ARHGAP42: variants seen among roughly 807,000 people sequenced by gnomAD.
The protein encoded by ARHGAP42 is rho GTPase-activating protein 42.
ARHGAP42 carries 63 observed loss-of-function variants against 125.0 expected under a neutral mutation model. That is an observed-to-expected ratio of 0.50 (90% confidence interval 0.41 to 0.62). The LOEUF (loss-of-function observed/expected upper bound fraction) is 0.62. ARHGAP42 is among the 20% of genes least tolerant of loss of function. ARHGAP42 has a pLI of 0.00. For synonymous variants in ARHGAP42, 339 were observed against 351.0 expected (o/e 0.97, Z 0.38); for missense variants, 766 against 1,024.2 (o/e 0.75, Z 3.44).
intron 1 of ARHGAP42, among the ~76,000 whole-genome samples, chr11:100,688,912 C>T (rs950360143): frequency 6.6e-6 from 1 of 151,962 alleles, no homozygotes; most frequent in Non-Finnish European, 1.5e-5. Flanking sequence ...ATCTAGTTAC[C>T]CCCAGGACAT....
intron 1 of ARHGAP42, among the ~76,000 whole-genome samples, chr11:100,762,566 G>T (rs1259878767): frequency 6.6e-6 from 1 of 152,164 alleles, no homozygotes; most frequent in African/African-American, 2.4e-5. Flanking sequence ...CCCTCTTAAT[G>T]AAGACCGATT....
intron 3 of ARHGAP42, among the ~76,000 whole-genome samples, chr11:100,841,002 T>A (rs1420677689): frequency 6.6e-6 from 1 of 152,160 alleles, no homozygotes; most frequent in Non-Finnish European, 1.5e-5. Context: ...TAGTTCTAGA[T>A]TATTTTCAGT....
chr11:100,846,025 C>G (rs762487069), intron 3 of ARHGAP42, among the ~76,000 whole-genome samples: 1 of 152,124 alleles, frequency 6.6e-6, no homozygotes, highest in Non-Finnish European at 1.5e-5. Context: ...CCTGCTGTAT[C>G]CCCAGTGCTT....
chr11:100,867,694 A>G (rs1865603740), intron 4 of ARHGAP42, among the ~76,000 whole-genome samples: 3 of 152,106 alleles, frequency 2.0e-5, no homozygotes, highest in Admixed American at 6.5e-5. Flanking sequence ...AGCACTTTTG[A>G]TTTCCCTCAA....
chr11:100,726,080 T>TAAAA (rs34713091), intron 1 of ARHGAP42, among the ~76,000 whole-genome samples: 9 of 125,446 alleles, frequency 7.2e-5, no homozygotes, highest in East Asian at 7.1e-4. Flanking sequence ...CTTGTCTCTC[T>TAAAA]AAAAAAAAAA....
intron 1 of ARHGAP42, among the ~76,000 whole-genome samples, chr11:100,745,666 G>T (rs1225880015): frequency 6.6e-6 from 1 of 152,108 alleles, no homozygotes; most frequent in African/African-American, 2.4e-5. Context: ...TGGGATGAAG[G>T]TACAACATTG....
chr11:100,758,947 G>A (rs1230401361), intron 1 of ARHGAP42, among the ~76,000 whole-genome samples: 1 of 151,986 alleles, frequency 6.6e-6, no homozygotes, highest in Non-Finnish European at 1.5e-5. Context: ...AGAAATAGAA[G>A]CCCATGACAG....
chr11:100,972,769 G>A (rs568701311), intron 17 of ARHGAP42, among the ~76,000 whole-genome samples: 1 of 152,250 alleles, frequency 6.6e-6, no homozygotes, highest in Non-Finnish European at 1.5e-5. Context: ...ACAATAATAT[G>A]TAGGAAAATT....
chr11:100,749,816 C>A (rs528857881), intron 1 of ARHGAP42, among the ~76,000 whole-genome samples: 8 of 152,236 alleles, frequency 5.3e-5, no homozygotes, highest in African/African-American at 1.9e-4. Context: ...GATCATTCAC[C>A]CCCACACACA....
At chr11:100,820,708 A>G (rs570190662) in intron 3 of ARHGAP42, among the ~76,000 whole-genome samples, 1 of 152,252 alleles carries the variant, frequency 6.6e-6, no homozygotes, top group African/African-American at 2.4e-5. Context: ...CTATATAAAC[A>G]GATACTTGGG....
At chr11:100,961,588 C>T in intron 14 of ARHGAP42, 96 bp from the exon 15 acceptor site, 1 of 1,000,646 alleles carries the variant, frequency 1.0e-6, no homozygotes, top group Non-Finnish European at 1.5e-6. Flanking sequence ...GAATACCTCT[C>T]TCTTTTGACC....
At chr11:100,711,971 A>G (rs982734738) in intron 1 of ARHGAP42, among the ~76,000 whole-genome samples, 1 of 152,240 alleles carries the variant, frequency 6.6e-6, no homozygotes, top group African/African-American at 2.4e-5. Flanking sequence ...AACTTTCATT[A>G]TGCTCCCTAT....
intron 2 of ARHGAP42, among the ~76,000 whole-genome samples, chr11:100,794,383 A>G (rs1336375563): frequency 6.6e-6 from 1 of 152,146 alleles, no homozygotes; most frequent in Non-Finnish European, 1.5e-5. Context: ...AATTCCTACT[A>G]AAAGTAAAGC....
At chr11:100,843,902 C>T (rs1565238287) in intron 3 of ARHGAP42, among the ~76,000 whole-genome samples, 2 of 152,120 alleles carry the variant, frequency 1.3e-5, no homozygotes, top group Middle Eastern at 3.4e-3. Flanking sequence ...CAGTGCAATT[C>T]CCATCAAAAT....
At chr11:100,949,167 G>A (rs1184252424) in intron 11 of ARHGAP42, among the ~76,000 whole-genome samples, 1 of 151,968 alleles carries the variant, frequency 6.6e-6, no homozygotes, top group Non-Finnish European at 1.5e-5. Flanking sequence ...TCGCCATCCT[G>A]TTACTTGAGA....
At chr11:100,748,390 A>AGGGAGTTCCTC (rs1862357028) in intron 1 of ARHGAP42, among the ~76,000 whole-genome samples, 2 of 152,164 alleles carry the variant, frequency 1.3e-5, no homozygotes, top group Admixed American at 6.5e-5. Context: ...ACTGTCCTGA[A>AGGGAGTTCCTC]GGGAGTTCCT....
chr11:100,709,576 G>C (rs1823296223), intron 1 of ARHGAP42, among the ~76,000 whole-genome samples: 1 of 147,446 alleles, frequency 6.8e-6, no homozygotes, highest in African/African-American at 2.7e-5. Flanking sequence ...AGTTGACTGT[G>C]AGTAACTGAA....
rs1029751294 is a variant in ARHGAP42, at chr11:100,893,961, A to C, written c.385-19491A>C. Among the ~76,000 whole-genome samples, 4 of 152,226 alleles carry C rather than the reference A, an allele frequency of 2.6e-5. 1 individual carries two copies. ...ATTAAGTAATTCTTGAGAAATAATG[A>C]ATCACCCCATGCCTGAGAATCAATC... On this transcript the variant is annotated intron_variant, in intron 4 of 23. Coordinates refer to ENST00000298815, the MANE Select transcript of ARHGAP42 (RefSeq NM_152432.4).
At chr11:100,824,657 C>T (rs1415222707) in intron 3 of ARHGAP42, among the ~76,000 whole-genome samples, 1 of 152,138 alleles carries the variant, frequency 6.6e-6, no homozygotes, top group Non-Finnish European at 1.5e-5. Context: ...AGACTCTTCT[C>T]CTAATCAACT....
Sources: gnomAD v4.1 joint callset for allele counts (sites outside exome capture counted in the v4.1 genomes callset) on GRCh38, gnomAD v4.1.1 for gene constraint, MANE v1.5 for transcripts, NCBI Gene and HGNC (gene_info 2026-07-23, HGNC 2026-07-21) for gene names.